DDX21: variants seen among roughly 807,000 people sequenced by gnomAD.
DDX21 encodes DExD-box helicase 21.
DDX21 carries 18 observed loss-of-function variants against 90.0 expected under a neutral mutation model. The observed-to-expected ratio is 0.20, with a 90% CI of 0.14 to 0.30. The LOEUF (loss-of-function observed/expected upper bound fraction) is 0.30. Ranked by LOEUF, DDX21 falls within the 10% of genes least tolerant of loss-of-function variation. The pLI is 1.00. For synonymous variants in DDX21, 294 were observed against 318.0 expected (o/e 0.92, Z 0.80); for missense variants, 673 against 944.5 (o/e 0.71, Z 3.77).
Position 68,956,306 on chromosome 10 carries a change from C to T in DDX21, c.81C>T (p.Thr27=). 1 of 1,614,160 alleles carries T rather than the reference C, an allele frequency of 6.2e-7. No individual in the cohort carries two copies. The highest frequency in any genetic ancestry group is 8.5e-7 in the Non-Finnish European group (1 of 1,180,024). The change falls in exon 1 of 15, where the codon ACC becomes ACT. Residue 27 remains threonine, a synonymous_variant. Transcript: ENST00000354185. ...AAGGGGAGACACTGCGAAAGCAAAC[C>T]GAGGAGGTGAAACGGAGGGACCTGG... ...MKKGETLRKQ[T]EEKEKKEKPK... is the part of the protein sequence containing the mutation.
chr10:68,962,028 TATTA>T, intron 2 of DDX21, 50 bp from the exon 3 acceptor site: 10 of 1,362,604 alleles, frequency 7.3e-6, no homozygotes, highest in Non-Finnish European at 1.0e-5. Flanking sequence ...GAAGGTTCTC[TATTA>T]ATTTGTGTAG....
intron 1 of DDX21, among the ~76,000 whole-genome samples, chr10:68,959,386 C>T (rs181520559): frequency 2.6e-5 from 4 of 152,020 alleles, no homozygotes; most frequent in Middle Eastern, 3.4e-3. Context: ...CCCAGGTACT[C>T]GGGAGGCTGA....
intron 5 of DDX21, 73 bp downstream of exon 5, chr10:68,965,567 C>A: frequency 8.9e-7 from 1 of 1,125,036 alleles, no homozygotes; most frequent in Non-Finnish European, 1.3e-6. Context: ...TTTCTTTTCA[C>A]CTTGACATCT....
At chr10:68,968,483 A>G (rs1287000997) in intron 6 of DDX21, among the ~76,000 whole-genome samples, 3 of 152,218 alleles carry the variant, frequency 2.0e-5, no homozygotes, top group Non-Finnish European at 4.4e-5. Flanking sequence ...AGATTTCCAG[A>G]AGTGGAATTA....
Position 68,983,689 on chromosome 10 carries a change from A to C in DDX21, c.*877A>C, listed in dbSNP as rs1156331727. The C allele has an allele frequency of 4.3e-5, 5 of 115,376 alleles. No individual in the cohort carries two copies. Among genetic ancestry groups the C allele is most frequent in the African/African-American group, 1.1e-4 (3 of 26,506 alleles). The allele number at this position is 115,376 out of a possible 1,614,324, so 7.1% of individuals were successfully genotyped here. A position where few individuals can be genotyped will look rare whatever the true frequency, so the allele number is the denominator to read the frequency against. On this transcript the variant is annotated 3_prime_UTR_variant, in exon 15 of 15. Coordinates refer to ENST00000354185, the MANE Select transcript of DDX21 (RefSeq NM_004728.4). ...TAGGGGGCGCAGATTAGCATTGCTCAAGAGTATGTAAAAAAAAAAAAAAAA... is the reference window on the plus strand; with the variant it reads ...TAGGGGGCGCAGATTAGCATTGCTCCAGAGTATGTAAAAAAAAAAAAAAAA...
intron 6 of DDX21, 116 bp from the exon 7 acceptor site, chr10:68,968,860 G>T: frequency 8.3e-7 from 1 of 1,207,864 alleles, no homozygotes; most frequent in East Asian, 2.5e-5. Flanking sequence ...GCCCGACTTG[G>T]CCTCAGGTGG....
chr10:68,958,543 T>C (rs141379843), intron 1 of DDX21, among the ~76,000 whole-genome samples: 5,858 of 152,120 alleles, frequency 0.039, 362 homozygotes, highest in African/African-American at 0.13. Flanking sequence ...TTCAAGCAGT[T>C]CTCCTGCCTC....
chr10:68,983,111 T>C lies in DDX21; in HGVS notation c.*299T>C. The C allele has an allele frequency of 2.7e-6, 1 of 374,224 alleles. No individual in the cohort carries two copies. The highest frequency in any genetic ancestry group is 4.9e-6 in the Non-Finnish European group (1 of 202,300). 23.2% of individuals were successfully genotyped at this position (374,224 alleles called of 1,614,324 possible). ...AGATAAAATCAAGCATGTATCTGCC[T>C]ATACTTTGTGAGTTCACCTGTCTTT... On this transcript the variant is annotated 3_prime_UTR_variant, in exon 15 of 15. Transcript: ENST00000354185.
intron 5 of DDX21, among the ~76,000 whole-genome samples, chr10:68,966,157 G>A (rs1359142080): frequency 1.3e-5 from 2 of 151,716 alleles, no homozygotes; most frequent in South Asian, 2.1e-4. Context: ...TTAGCCGGGC[G>A]TGGTGGCAGG....
At position 68,974,671 on chromosome 10, in the gene DDX21, G is replaced by A. The variant is rs1288898723; in HGVS notation, c.1670G>A (p.Gly557Glu). ...YQLVQVEQKA[G>E]IKFKRIGVPS... ...AAACTGTGGTTCATTTTCCTGTAGG[G>A]AATTAAGTTCAAACGAATAGGTGTT... Residue 557 changes from glycine to glutamate, a missense_variant and splice_region_variant, in exon 11 of 15, where the codon GGA becomes GAA. By Grantham distance (98) the Gly-to-Glu change is moderately conservative. Transcript: ENST00000354185. 1 of 1,613,650 alleles carries A rather than the reference G, an allele frequency of 6.2e-7. No individual in the cohort carries two copies. The highest frequency in any genetic ancestry group is 2.2e-5 in the East Asian group (1 of 44,858).
chr10:68,979,659 C>G (rs1262614922), intron 13 of DDX21, among the ~76,000 whole-genome samples: 1 of 152,144 alleles, frequency 6.6e-6, no homozygotes, highest in African/African-American at 2.4e-5. Context: ...CTTGGCGAAG[C>G]CCCTAAAAGA....
chr10:68,967,237 A>G, intron 6 of DDX21, 34 bp downstream of exon 6: 1 of 1,592,540 alleles, frequency 6.3e-7, no homozygotes, highest in South Asian at 1.1e-5. Flanking sequence ...GATAAAAAAG[A>G]CCAAAGGAAG....
chr10:68,975,058 T>C (rs1194412758), intron 11 of DDX21, among the ~76,000 whole-genome samples: 2 of 152,222 alleles, frequency 1.3e-5, no homozygotes, highest in African/African-American at 2.4e-5. Context: ...TTTCTACTCA[T>C]TCCTGTCCTA....
chr10:68,970,309 A>G lies in DDX21; in HGVS notation c.1345A>G (p.Lys449Glu). 6.2e-7 allele frequency: 1 copy of G among 1,614,126 alleles called. No homozygotes were observed. Among genetic ancestry groups the G allele is most frequent in the Non-Finnish European group, 8.5e-7 (1 of 1,180,016 alleles). Residue 449 changes from lysine to glutamate, a missense_variant, in exon 8 of 15, where the codon AAA becomes GAA. Lys to Glu is a moderately conservative substitution (Grantham distance 56). This residue lies in a region of DDX21 where 218 missense variants were observed against 347.3 expected (regional missense o/e 0.63). Transcript: ENST00000354185. ...GRTIIFCETKKEAQELSQNSA... is the reference protein window; with the variant it reads ...GRTIIFCETKEEAQELSQNSA... ...CACTATCATCTTTTGTGAAACCAAG[A>G]AAGAAGCCCAGGAGCTGTCCCAGAA...
intron 14 of DDX21, among the ~76,000 whole-genome samples, chr10:68,982,260 G>A (rs1843202765): frequency 6.6e-6 from 1 of 152,298 alleles, no homozygotes; most frequent in African/African-American, 2.4e-5. Flanking sequence ...ACCTTTGGCT[G>A]TAGATACCCT....
chr10:68,968,149 A>G (rs538739664), intron 6 of DDX21, among the ~76,000 whole-genome samples: 1 of 152,178 alleles, frequency 6.6e-6, no homozygotes, highest in South Asian at 2.1e-4. Context: ...TGCTGGGATT[A>G]CAGATGTGCT....
chr10:68,964,522 C>T (rs1842915859), intron 4 of DDX21, among the ~76,000 whole-genome samples: 1 of 152,140 alleles, frequency 6.6e-6, no homozygotes, highest in African/African-American at 2.4e-5. Context: ...ACCACCATGC[C>T]TGGCTAATTT....
chr10:68,978,939 C>G lies in DDX21; in HGVS notation c.2000C>G (p.Ser667Cys). The G allele has an allele frequency of 6.2e-7, 1 of 1,614,086 alleles. No individual in the cohort carries two copies. Among genetic ancestry groups the G allele is most frequent in the South Asian group, 1.1e-5 (1 of 91,074 alleles). The change falls in exon 13 of 15, where the codon TCC (serine) becomes TGC (cysteine). Residue 667 changes from serine to cysteine, a missense_variant. Physicochemically the swap from Ser to Cys is moderately radical, Grantham distance 112 (BLOSUM62 -1). Coordinates refer to ENST00000354185, the MANE Select transcript of DDX21 (RefSeq NM_004728.4). ...GAGCAGCTGGGCGAGGAGATTGATT[C>G]CAAAGTGAAGGGAATGGTTTTTCTC... ...LKEQLGEEID[S>C]KVKGMVFLKG...
chr10:68,977,380 T>C (rs1013306400), intron 11 of DDX21, 149 bp from the exon 12 acceptor site: 6 of 635,324 alleles, frequency 9.4e-6, no homozygotes, highest in Non-Finnish European at 7.4e-6. Context: ...TTTATTACTA[T>C]AGAAATATGA....
Sources: allele counts gnomAD v4.1 joint callset (sites outside exome capture counted in the v4.1 genomes callset), GRCh38; gene constraint gnomAD v4.1.1; regional missense constraint gnomAD v4.1.1; transcripts MANE v1.5; gene names NCBI Gene and HGNC (gene_info 2026-07-23, HGNC 2026-07-21).